Variants in SPIRE1 observed in about 807,000 individuals in gnomAD.
SPIRE1 encodes the protein spire type actin nucleation factor 1.
A neutral mutation model predicts 94.1 loss-of-function variants in SPIRE1; 40 were observed. The observed-to-expected ratio is 0.43, with a 90% CI of 0.33 to 0.55. The LOEUF (loss-of-function observed/expected upper bound fraction) is 0.55. Ranked by LOEUF, SPIRE1 falls within the 20% of genes least tolerant of loss-of-function variation. The pLI is 0.06. For missense variants in SPIRE1, 838 were observed against 975.2 expected, an observed-to-expected ratio of 0.86 and a Z score of 1.87; for synonymous variants, 376 against 371.7, an observed-to-expected ratio of 1.01 and a Z score of -0.13.
At chr18:12,613,550 AC>A in intron 2 of SPIRE1, among the ~76,000 whole-genome samples, 3 of 152,318 alleles carry the variant, frequency 2.0e-5, no homozygotes, top group African/African-American at 7.2e-5. Flanking sequence ...CATAAAATAC[AC>A]CCCAGATTTG....
At position 12,452,268 on chromosome 18, in the gene SPIRE1, G is replaced by A. The variant is rs764536309; in HGVS notation, c.1999C>T (p.Arg667Trp). Residue 667 changes from arginine to tryptophan, a missense_variant, in exon 16 of 17, where the codon CGG (arginine) becomes TGG (tryptophan). Arg to Trp is a moderately radical substitution (Grantham distance 101). This residue lies in a region of SPIRE1 where 645 missense variants were observed against 804.7 expected (regional missense o/e 0.80). Coordinates refer to ENST00000409402, the MANE Select transcript of SPIRE1 (RefSeq NM_001128626.2). ...KPSTAHHRPL[R>W]SIARFSSKSK... ...CCCCTTGCTCACCTGGCAATGCTCC[G>A]AAGTGGCCGATGATGGGCAGTGGAG... The A allele has an allele frequency of 3.7e-6, 6 of 1,613,932 alleles. No homozygotes were observed. The highest frequency in any genetic ancestry group is 1.1e-5 in the South Asian group (1 of 91,060).
intron 2 of SPIRE1, among the ~76,000 whole-genome samples, chr18:12,548,089 A>G (rs929260991): frequency 2.6e-5 from 4 of 152,174 alleles, no homozygotes; most frequent in Non-Finnish European, 1.5e-5. Flanking sequence ...ATTTAATAAG[A>G]TTCTGTTGAG....
At chr18:12,517,168 C>G (rs2034222198) in intron 4 of SPIRE1, among the ~76,000 whole-genome samples, 1 of 152,172 alleles carries the variant, frequency 6.6e-6, no homozygotes, top group Non-Finnish European at 1.5e-5. Flanking sequence ...TGAAACACAG[C>G]ATTCAGTTCA....
At chr18:12,606,306 G>A (rs1301559682) in intron 2 of SPIRE1, among the ~76,000 whole-genome samples, 6 of 152,020 alleles carry the variant, frequency 3.9e-5, no homozygotes, top group African/African-American at 1.5e-4. Flanking sequence ...TAAAACAACT[G>A]TCTGGCACAT....
At chr18:12,522,526 T>C (rs1353832826) in intron 4 of SPIRE1, among the ~76,000 whole-genome samples, 1 of 152,230 alleles carries the variant, frequency 6.6e-6, no homozygotes, top group Admixed American at 6.5e-5. Context: ...GGTAGCTACA[T>C]TAAACAACAT....
chr18:12,612,827 C>T (rs2037180555), intron 2 of SPIRE1, among the ~76,000 whole-genome samples: 1 of 152,184 alleles, frequency 6.6e-6, no homozygotes, highest in South Asian at 2.1e-4. Context: ...AAATGCTCTT[C>T]CCCCAGATAT....
Position 12,464,923 on chromosome 18 carries a change from G to A in SPIRE1, c.1440C>T (p.Ser480=), listed in dbSNP as rs200643849. ...ETLHKSTSSS[S]VSPSFPEEPV... ...GCTCTTCAGGGAAAGAGGGAGACACGCTGCTGCTGCTGGTCGACTTGTGCA... is the reference window on the plus strand; with the variant it reads ...GCTCTTCAGGGAAAGAGGGAGACACACTGCTGCTGCTGGTCGACTTGTGCA... Residue 480 remains serine, a synonymous_variant, in exon 11 of 17, where the codon AGC becomes AGT. Coordinates refer to ENST00000409402, the MANE Select transcript of SPIRE1 (RefSeq NM_001128626.2). 2.1e-5 allele frequency: 34 copies of A among 1,612,806 alleles called. No individual in the cohort carries two copies. In the East Asian group the frequency reaches 6.7e-4, roughly 32 times the overall value.
chr18:12,618,604 C>G (rs2037377436), intron 2 of SPIRE1, among the ~76,000 whole-genome samples: 2 of 152,088 alleles, frequency 1.3e-5, no homozygotes, highest in Non-Finnish European at 2.9e-5. Flanking sequence ...GAATGTTGCT[C>G]TTCTAAAGAG....
intron 8 of SPIRE1, among the ~76,000 whole-genome samples, chr18:12,486,623 C>A (rs932219687): frequency 6.6e-6 from 1 of 152,180 alleles, no homozygotes; most frequent in Non-Finnish European, 1.5e-5. Context: ...AGTTACTTAA[C>A]CTCTCTGTGC....
chr18:12,497,740 T>G, intron 6 of SPIRE1, among the ~76,000 whole-genome samples: 1 of 152,054 alleles, frequency 6.6e-6, no homozygotes. Context: ...TTATGTAGAT[T>G]AAAAAAAACC....
chr18:12,620,335 A>G (rs751556587), intron 2 of SPIRE1, among the ~76,000 whole-genome samples: 1 of 152,222 alleles, frequency 6.6e-6, no homozygotes, highest in Non-Finnish European at 1.5e-5. Flanking sequence ...TAATTCTAAA[A>G]TTCGTATGAC....
At chr18:12,617,071 G>C (rs889172366) in intron 2 of SPIRE1, among the ~76,000 whole-genome samples, 2 of 150,614 alleles carry the variant, frequency 1.3e-5, no homozygotes, top group Admixed American at 1.3e-4. Context: ...TGTTGGCCAG[G>C]CTGGTCTTGG....
At chr18:12,607,303 T>C (rs2037006588) in intron 2 of SPIRE1, among the ~76,000 whole-genome samples, 1 of 152,188 alleles carries the variant, frequency 6.6e-6, no homozygotes. Context: ...TCAACAGACA[T>C]TTTCCATCTC....
intron 8 of SPIRE1, among the ~76,000 whole-genome samples, chr18:12,490,030 A>T (rs2033178536): frequency 6.6e-6 from 1 of 152,196 alleles, no homozygotes; most frequent in Non-Finnish European, 1.5e-5. Context: ...GCAAAACTGT[A>T]TAGTAAGAAC....
chr18:12,464,028 T>A (rs1191380837), intron 11 of SPIRE1, among the ~76,000 whole-genome samples: 1 of 152,166 alleles, frequency 6.6e-6, no homozygotes, highest in Non-Finnish European at 1.5e-5. Context: ...AGAAATAAAT[T>A]ATGGTGCCAG....
At chr18:12,644,432 A>C (rs1166473287) in intron 1 of SPIRE1, among the ~76,000 whole-genome samples, 1 of 152,032 alleles carries the variant, frequency 6.6e-6, no homozygotes, top group African/African-American at 2.4e-5. Flanking sequence ...GCCCTCCTAT[A>C]CTCCCCAAAG....
chr18:12,475,009 G>A (rs1045539918), intron 10 of SPIRE1, among the ~76,000 whole-genome samples: 1 of 152,094 alleles, frequency 6.6e-6, no homozygotes, highest in Non-Finnish European at 1.5e-5. Flanking sequence ...CTTTGCTCAT[G>A]GTGCAACGTC....
At chr18:12,475,747 T>C (rs2032543448) in intron 10 of SPIRE1, among the ~76,000 whole-genome samples, 1 of 152,340 alleles carries the variant, frequency 6.6e-6, no homozygotes, top group African/African-American at 2.4e-5. Context: ...TCCAGTTTCA[T>C]GCTTCTGGAG....
intron 6 of SPIRE1, among the ~76,000 whole-genome samples, chr18:12,497,519 G>T (rs1258499085): frequency 2.0e-5 from 3 of 152,002 alleles, no homozygotes; most frequent in Middle Eastern, 3.2e-3. Context: ...GCCTGCTGGG[G>T]CCTACTCAAC....
Sources: gnomAD v4.1 joint callset for allele counts (sites outside exome capture counted in the v4.1 genomes callset) on GRCh38, gnomAD v4.1.1 for gene constraint, gnomAD v4.1.1 regional missense constraint, MANE v1.5 for transcripts, NCBI Gene and HGNC (gene_info 2026-07-23, HGNC 2026-07-21) for gene names.